Variants in TBCE observed in about 807,000 individuals in gnomAD.
TBCE encodes tubulin folding cofactor E.
A neutral mutation model predicts 77.0 loss-of-function variants in TBCE; 53 were observed. That is an observed-to-expected ratio of 0.69 (90% CI 0.55 to 0.87). The LOEUF is 0.87. TBCE is among the 40% of genes least tolerant of loss of function. The pLI is 0.00. For missense variants in TBCE, 624 were observed against 622.4 expected (o/e 1.00, Z -0.03); for synonymous variants, 235 against 241.3 (o/e 0.97, Z 0.24).
At chr1:235,438,574 C>A (rs960605543) in intron 12 of TBCE, among the ~76,000 whole-genome samples, 195 bp from the exon 13 acceptor site, 2 of 148,700 alleles carry the variant, frequency 1.3e-5, no homozygotes, top group Middle Eastern at 3.5e-3. Context: ...GAGTGTAAAA[C>A]TGAAATTCTT....
At chr1:235,374,297 G>C (rs1015193484) in intron 1 of TBCE, among the ~76,000 whole-genome samples, 1 of 145,838 alleles carries the variant, frequency 6.9e-6, no homozygotes, top group African/African-American at 2.6e-5. Flanking sequence ...TGTACCCCAC[G>C]TGCAGGTCAG....
rs77315500 is a variant in TBCE, at chr1:235,380,400, A to G, written c.100+251A>G. Among the ~76,000 whole-genome samples, 1,137 of 152,292 alleles carry G rather than the reference A, an allele frequency of 7.5e-3. 11 individuals are homozygous for G. The highest frequency in any genetic ancestry group is 0.026 in the African/African-American group (1,099 of 41,564). ...ATTTAGTGTTGCTATCTTATATAAA[A>G]TCAACCTTAAAATATCTTCTGAGGA... On this transcript the variant is annotated intron_variant, in intron 2 of 16. Transcript: ENST00000642610.
intron 2 of TBCE, among the ~76,000 whole-genome samples, chr1:235,385,771 A>T (rs1362298068): frequency 6.6e-6 from 1 of 152,228 alleles, no homozygotes; most frequent in East Asian, 1.9e-4. Flanking sequence ...CTCTTTATCC[A>T]ATTTGCCAGT....
chr1:235,377,010 A>G (rs1042751626), intron 1 of TBCE, among the ~76,000 whole-genome samples: 5 of 151,872 alleles, frequency 3.3e-5, no homozygotes, highest in African/African-American at 1.2e-4. Context: ...TTTCTCACCA[A>G]CTTTGGGCTC....
At chr1:235,427,834 C>T (rs1360089528) in intron 6 of TBCE, among the ~76,000 whole-genome samples, 1 of 151,808 alleles carries the variant, frequency 6.6e-6, no homozygotes, top group East Asian at 1.9e-4. Context: ...AGTTTGAGAC[C>T]AGCCTGACCA....
chr1:235,407,869 TG>T (rs1679544947), intron 3 of TBCE, among the ~76,000 whole-genome samples: 1 of 149,360 alleles, frequency 6.7e-6, no homozygotes. Flanking sequence ...GACAGCAGAG[TG>T]GTTTTCAGTT....
rs1465866311 is a variant in TBCE, at chr1:235,449,010, C to G, written c.*248C>G. The G allele has an allele frequency of 5.0e-6, 2 of 400,386 alleles. No individual in the cohort carries two copies. Among genetic ancestry groups the G allele is most frequent in the Admixed American group, 7.5e-5 (2 of 26,622 alleles). The allele number at this position is 400,386 out of a possible 1,614,324, so 24.8% of individuals were successfully genotyped here. ...TTTCATATTTATTTTTACAGCTCAT[C>G]ACTGCATTTCATGATAAGATTTAAA... On this transcript the variant is annotated 3_prime_UTR_variant, in exon 17 of 17. Transcript: ENST00000642610.
At chr1:235,441,552 CTT>C in intron 13 of TBCE, 1 of 504,524 alleles carries the variant, frequency 2.0e-6, no homozygotes, top group South Asian at 2.2e-5. Flanking sequence ...CATTTGTTGT[CTT>C]TTGTTGAGTT....
At chr1:235,379,310 C>G (rs112630612) in intron 1 of TBCE, among the ~76,000 whole-genome samples, 1 of 151,706 alleles carries the variant, frequency 6.6e-6, no homozygotes, top group Non-Finnish European at 1.5e-5. Context: ...GGTGGATCAC[C>G]TGAGATCAGA....
At chr1:235,437,043 C>T (rs958890347) in intron 11 of TBCE, among the ~76,000 whole-genome samples, 7 of 152,066 alleles carry the variant, frequency 4.6e-5, no homozygotes, top group Non-Finnish European at 1.0e-4. Context: ...GCAGGAGAAT[C>T]GCCTGAACTC....
Position 235,381,557 on chromosome 1 carries a change from A to G in TBCE, c.100+1408A>G, listed in dbSNP as rs189222167. Among the ~76,000 whole-genome samples the G allele has an allele frequency of 6.0e-3, 908 of 151,620 alleles. 8 individuals carry two copies. The highest frequency in any genetic ancestry group is 0.021 in the African/African-American group (877 of 41,356). ...AAATTAGCCGGATGTGGTGGCGGGC[A>G]CCTGTAGTTCCAGCTACTAAGGGAG... On this transcript the variant is annotated intron_variant, in intron 2 of 16. Transcript: ENST00000642610.
intron 2 of TBCE, among the ~76,000 whole-genome samples, chr1:235,396,072 T>C (rs973312299): frequency 6.6e-6 from 1 of 152,058 alleles, no homozygotes; most frequent in Non-Finnish European, 1.5e-5. Context: ...TCTTTTTTTT[T>C]CTTTTGAGAC....
chr1:235,382,027 A>C (rs754949705), intron 2 of TBCE, among the ~76,000 whole-genome samples: 1 of 136,376 alleles, frequency 7.3e-6, no homozygotes, highest in African/African-American at 2.8e-5. Flanking sequence ...ATGTGTTCTC[A>C]TTGTTCAGTT....
chr1:235,442,793 T>C (rs1163157536), intron 14 of TBCE, 59 bp from the exon 15 acceptor site: 1 of 1,535,906 alleles, frequency 6.5e-7, no homozygotes, highest in African/African-American at 1.4e-5. Context: ...TGTGTGTGGA[T>C]AATTTAAATC....
intron 2 of TBCE, among the ~76,000 whole-genome samples, chr1:235,395,963 C>T (rs1678694561): frequency 6.6e-6 from 1 of 152,154 alleles, no homozygotes; most frequent in South Asian, 2.1e-4. Context: ...AACATAATGA[C>T]CTCCAGTTCC....
intron 1 of TBCE, among the ~76,000 whole-genome samples, chr1:235,372,209 C>T (rs1677013570): frequency 1.3e-5 from 2 of 152,036 alleles, no homozygotes; most frequent in Admixed American, 6.6e-5. Context: ...AGACGCACTC[C>T]ACCTCGCCAG....
intron 1 of TBCE, among the ~76,000 whole-genome samples, chr1:235,375,158 G>T (rs574986478): frequency 6.6e-6 from 1 of 151,938 alleles, no homozygotes; most frequent in Non-Finnish European, 1.5e-5. Flanking sequence ...CTGACCTCAT[G>T]ATCCGCCTGC....
chr1:235,427,083 C>T, intron 5 of TBCE, 57 bp from the exon 6 acceptor site: 1 of 1,218,730 alleles, frequency 8.2e-7, no homozygotes, highest in Non-Finnish European at 1.2e-6. Flanking sequence ...AAGAGTAACT[C>T]CTTTTATGTC....
At chr1:235,407,108 C>A (rs924595180) in intron 3 of TBCE, among the ~76,000 whole-genome samples, 2 of 149,768 alleles carry the variant, frequency 1.3e-5, no homozygotes, top group African/African-American at 4.9e-5. Context: ...GGATTATAGG[C>A]GTGAACCACT....
Sources: allele counts gnomAD v4.1 joint callset (sites outside exome capture counted in the v4.1 genomes callset), GRCh38; gene constraint gnomAD v4.1.1; transcripts MANE v1.5; gene names NCBI Gene and HGNC (gene_info 2026-07-23, HGNC 2026-07-21).